Variants in PFKFB3 observed in about 807,000 individuals in gnomAD.
PFKFB3 encodes 6-phosphofructo-2-kinase/fructose-2,6-bisphosphatase 3.
Under a neutral mutation model 68.0 loss-of-function variants are expected in PFKFB3, and 33 were observed. The observed-to-expected ratio is 0.49, with a 90% CI of 0.37 to 0.65. The LOEUF (loss-of-function observed/expected upper bound fraction) is 0.65. Ranked by LOEUF, PFKFB3 falls within the 30% of genes least tolerant of loss-of-function variation. The probability of loss-of-function intolerance (pLI) is 0.00; values close to 1 mark genes in which losing one functional copy is unlikely to be tolerated. For synonymous variants in PFKFB3, 315 were observed against 288.2 expected (o/e 1.09, Z -0.94); for missense variants, 586 against 712.2 (o/e 0.82, Z 2.02).
Position 6,203,024 on chromosome 10 carries a change from A to G in PFKFB3, c.-237A>G. The G allele has an allele frequency of 5.1e-6, 7 of 1,373,000 alleles. No homozygotes were observed. The highest frequency in any genetic ancestry group is 6.6e-6 in the Non-Finnish European group (7 of 1,067,922). 85.1% of individuals were successfully genotyped at this position (1,373,000 alleles called of 1,614,324 possible). A position where few individuals can be genotyped will look rare whatever the true frequency, so the allele number is the denominator to read the frequency against. On this transcript the variant is annotated 5_prime_UTR_variant, in exon 1 of 15. Transcript: ENST00000379775. ...CATCCCAGAGCTTTCCGAGCGGACGAGCCGGCCGTGCCGGGCATCCCCAGC... is the reference window on the plus strand; with the variant it reads ...CATCCCAGAGCTTTCCGAGCGGACGGGCCGGCCGTGCCGGGCATCCCCAGC...
At position 6,228,766 on chromosome 10, in the gene PFKFB3, G is replaced by C. The variant is rs910691309; in HGVS notation, c.1515+2401G>C. Among the ~76,000 whole-genome samples the C allele has an allele frequency of 2.0e-5, 3 of 152,190 alleles. No individual in the cohort carries two copies. Among genetic ancestry groups the C allele is most frequent in the African/African-American group, 4.8e-5 (2 of 41,446 alleles). ...CCCCCACACCCCAAAAGAGCTCCGAGTGGAGACCCTTGGGGATCCGTTTGT... is the reference window on the plus strand; with the variant it reads ...CCCCCACACCCCAAAAGAGCTCCGACTGGAGACCCTTGGGGATCCGTTTGT... On this transcript the variant is annotated intron_variant, in intron 14 of 14. Transcript: ENST00000379775. The surrounding 1 kb of genome is among the most constrained non-coding windows in gnomAD (Gnocchi z 4.5).
chr10:6,278,647 A>G, the PFKFB3 span, among the ~76,000 whole-genome samples: 1 of 152,216 alleles, frequency 6.6e-6, no homozygotes, highest in Non-Finnish European at 1.5e-5. Context: ...GTTATTTGGA[A>G]TAAAATAGCC....
intron 1 of PFKFB3, among the ~76,000 whole-genome samples, chr10:6,191,413 T>G (rs1843019673): frequency 6.6e-6 from 1 of 152,202 alleles, no homozygotes; most frequent in South Asian, 2.1e-4. Context: ...CTTGGTCAAA[T>G]GTATGCCTCA....
chr10:6,158,622 T>C (rs1307389086), intron 1 of PFKFB3, among the ~76,000 whole-genome samples: 1 of 152,106 alleles, frequency 6.6e-6, no homozygotes, highest in Non-Finnish European at 1.5e-5. Context: ...TCCTAGCACT[T>C]TGGGAGGCCT....
intron 1 of PFKFB3, among the ~76,000 whole-genome samples, chr10:6,177,408 C>CTTTCTTCT (rs1454122984): frequency 7.6e-5 from 4 of 52,532 alleles, no homozygotes; most frequent in Non-Finnish European, 1.4e-4. Context: ...TTCTTTCTTT[C>CTTTCTTCT]TTCTTTCTCT....
chr10:6,219,196 G>A (rs1260081358), intron 6 of PFKFB3, among the ~76,000 whole-genome samples: 1 of 152,256 alleles, frequency 6.6e-6, no homozygotes, highest in Admixed American at 6.5e-5. Flanking sequence ...GCCTCCTCCC[G>A]GCACGGGGAG....
intron 1 of PFKFB3, chr10:6,197,547 CTTT>C (rs1297286140): frequency 6.6e-6 from 1 of 152,164 alleles, no homozygotes; most frequent in Non-Finnish European, 1.5e-5. Flanking sequence ...TTTTCTTCTT[CTTT>C]TGCTTGACCA....
the PFKFB3 span, among the ~76,000 whole-genome samples, chr10:6,275,344 C>T: frequency 1.3e-5 from 2 of 152,228 alleles, no homozygotes; most frequent in Non-Finnish European, 2.9e-5. This position sits in a 1 kb window ranked among gnomAD's most constrained non-coding sequence, Gnocchi z 4.9. Flanking sequence ...GGAGAAGGTG[C>T]CAGTTCCCTC....
intron 14 of PFKFB3, among the ~76,000 whole-genome samples, chr10:6,246,954 G>A (rs559750077): frequency 3.3e-5 from 5 of 152,324 alleles, no homozygotes; most frequent in East Asian, 1.9e-4. Flanking sequence ...TCCCTAACCC[G>A]AGGCTGGTGC....
At chr10:6,226,819 C>T (rs553351423) in intron 14 of PFKFB3, among the ~76,000 whole-genome samples, 46 of 152,366 alleles carry the variant, frequency 3.0e-4, no homozygotes, top group African/African-American at 9.9e-4. Flanking sequence ...GGCGCGGTGG[C>T]TCACGCCTGT....
the PFKFB3 span, among the ~76,000 whole-genome samples, chr10:6,291,945 G>GTTT: frequency 5.5e-4 from 52 of 94,384 alleles, no homozygotes; most frequent in African/African-American, 9.0e-4. Context: ...GAAACCAGTG[G>GTTT]TTTTTTTTTT....
chr10:6,316,830 A>G, the PFKFB3 span, among the ~76,000 whole-genome samples: 1 of 151,968 alleles, frequency 6.6e-6, no homozygotes, highest in Non-Finnish European at 1.5e-5. Flanking sequence ...GGTACAGTCT[A>G]CCTTTGCTCT....
Position 6,253,650 on chromosome 10 carries a change from A to C in PFKFB3, c.1516-528A>C, listed in dbSNP as rs544680137. Among the ~76,000 whole-genome samples the C allele has an allele frequency of 2.7e-5, 4 of 149,956 alleles. 1 individual carries two copies. Among genetic ancestry groups the C allele is most frequent in the East Asian group, 1.9e-4 (1 of 5,136 alleles). Reference sequence around the variant, plus strand: ...AGGTGCTGGTGCAGAGAGGAGAAAGAAAAAAAAAAGATGCGGTCATATCCT... The same window carrying C: ...AGGTGCTGGTGCAGAGAGGAGAAAGCAAAAAAAAAGATGCGGTCATATCCT... On this transcript the variant is annotated intron_variant, in intron 14 of 14. Coordinates refer to the PFKFB3 transcript ENST00000640683.
At chr10:6,311,278 T>C in the PFKFB3 span, among the ~76,000 whole-genome samples, 1 of 152,152 alleles carries the variant, frequency 6.6e-6, no homozygotes, top group Non-Finnish European at 1.5e-5. Context: ...CAATTTCCCA[T>C]GCTCCCCTAT....
chr10:6,164,328 G>C (rs1236518337), intron 1 of PFKFB3, among the ~76,000 whole-genome samples: 3 of 152,228 alleles, frequency 2.0e-5, no homozygotes, highest in Non-Finnish European at 4.4e-5. Flanking sequence ...GAATCTTCAT[G>C]AACAGGGCCT....
chr10:6,199,224 C>T (rs775309639), upstream of PFKFB3, among the ~76,000 whole-genome samples: 2 of 152,234 alleles, frequency 1.3e-5, no homozygotes, highest in Non-Finnish European at 2.9e-5. Flanking sequence ...TCACCTCACT[C>T]TCTCTGGGGC....
In PFKFB3 at chr10:6,163,043, A is replaced by G. The variant is rs553033717; in HGVS notation, c.16+18030A>G. Among the ~76,000 whole-genome samples the G allele has an allele frequency of 2.0e-5, 3 of 152,142 alleles. No individual in the cohort carries two copies. In the East Asian group the frequency reaches 5.8e-4, roughly 29 times the overall value. On this transcript the variant is annotated intron_variant, in intron 1 of 14. Transcript: ENST00000379789. ...CTTCCTCTCCTTCCCCCGTCCCATA[A>G]TTGTATCTTTCATTTGCTTTCTGTG... is the stretch of plus-strand genomic sequence containing the variant.
At chr10:6,241,964 GCCC>G (rs956089426) in intron 14 of PFKFB3, among the ~76,000 whole-genome samples, 4 of 151,464 alleles carry the variant, frequency 2.6e-5, no homozygotes, top group Non-Finnish European at 5.9e-5. Flanking sequence ...TCCCACCTCA[GCCC>G]CCCGAGTAGC....
At chr10:6,289,773 G>C in the PFKFB3 span, among the ~76,000 whole-genome samples, 18 of 152,182 alleles carry the variant, frequency 1.2e-4, no homozygotes, top group African/African-American at 4.3e-4. Context: ...GGATGGCATT[G>C]AATCTATAAA....
Sources: gnomAD v4.1 joint callset for allele counts (sites outside exome capture counted in the v4.1 genomes callset) on GRCh38, gnomAD v4.1.1 for gene constraint, Gnocchi (gnomAD v3.1) non-coding constraint, MANE v1.5 for transcripts, NCBI Gene and HGNC (gene_info 2026-07-23, HGNC 2026-07-21) for gene names.